Variants in NUP210L observed in about 807,000 individuals in gnomAD.
NUP210L encodes nucleoporin 210 like.
NUP210L carries 74 observed loss-of-function variants against 208.5 expected under a neutral mutation model. The ratio of observed to expected loss-of-function variants is 0.35; its 90% CI spans 0.29 to 0.43. NUP210L has a LOEUF of 0.43. Among genes scored for constraint, NUP210L ranks in the 20% least tolerant of loss-of-function variants. The pLI is 1.00. For missense variants in NUP210L, 1,843 were observed against 2,289.4 expected, an observed-to-expected ratio of 0.81 and a Z score of 3.98; for synonymous variants, 780 against 816.9, an observed-to-expected ratio of 0.95 and a Z score of 0.77.
chr1:154,012,160 G>A, intron 34 of NUP210L, 84 bp downstream of exon 34: 6 of 1,373,422 alleles, frequency 4.4e-6, no homozygotes, highest in Non-Finnish European at 6.0e-6. Context: ...AGAAAATCTG[G>A]ATTACTAATC....
At chr1:154,106,906 G>T (rs758065637) in intron 12 of NUP210L, among the ~76,000 whole-genome samples, 1 of 152,118 alleles carries the variant, frequency 6.6e-6, no homozygotes, top group African/African-American at 2.4e-5. Flanking sequence ...CAAGAAGGAT[G>T]GGTACAAACA....
chr1:154,059,202 G>A (rs1393885057), intron 20 of NUP210L, among the ~76,000 whole-genome samples: 1 of 152,178 alleles, frequency 6.6e-6, no homozygotes, highest in Admixed American at 6.5e-5. Flanking sequence ...GCTGGGCACG[G>A]TGGTCCGTGC....
At chr1:154,041,098 G>A (rs148085968) in intron 27 of NUP210L, among the ~76,000 whole-genome samples, 276 of 152,192 alleles carry the variant, frequency 1.8e-3, no homozygotes, top group Non-Finnish European at 3.2e-3. Flanking sequence ...CCAAGTAGCT[G>A]AGACTACAGG....
At chr1:153,997,397 T>G (rs2147880547) in intron 37 of NUP210L, among the ~76,000 whole-genome samples, 1 of 151,890 alleles carries the variant, frequency 6.6e-6, no homozygotes, top group African/African-American at 2.4e-5. Flanking sequence ...CACCTCAGCT[T>G]CCCAAAGTGT....
intron 27 of NUP210L, among the ~76,000 whole-genome samples, chr1:154,045,363 A>G (rs1218876581): frequency 6.6e-6 from 1 of 152,194 alleles, no homozygotes; most frequent in East Asian, 1.9e-4. Context: ...GTGTGTCTGA[A>G]CATGATAAAA....
intron 15 of NUP210L, among the ~76,000 whole-genome samples, chr1:154,090,339 G>T (rs1209160410): frequency 6.6e-6 from 1 of 152,138 alleles, no homozygotes; most frequent in African/African-American, 2.4e-5. Flanking sequence ...AGTAGAAGTA[G>T]TAATGAATAA....
chr1:154,022,472 T>C, intron 31 of NUP210L, 129 bp from the exon 32 acceptor site: 1 of 716,100 alleles, frequency 1.4e-6, no homozygotes, highest in East Asian at 2.7e-5. Context: ...CAATAAAGAG[T>C]AAGTAAGTAT....
At chr1:154,089,457 G>T in exon 16 of NUP210L, 1 of 1,614,124 alleles carries the variant, frequency 6.2e-7, no homozygotes, top group East Asian at 2.2e-5. Context: ...GACATGGCTG[G>T]GCACCAGCTG....
intron 7 of NUP210L, among the ~76,000 whole-genome samples, chr1:154,134,210 T>C (rs1658400154): frequency 6.6e-6 from 1 of 151,314 alleles, no homozygotes; most frequent in African/African-American, 2.4e-5. Flanking sequence ...CTGGACAAAA[T>C]GGCAATTTGT....
chr1:154,107,548 G>A (rs1656831946), intron 12 of NUP210L, among the ~76,000 whole-genome samples: 1 of 151,660 alleles, frequency 6.6e-6, no homozygotes, highest in Admixed American at 6.6e-5. Flanking sequence ...AAGAATCAGT[G>A]AGCTTGAGGA....
At chr1:154,092,144 C>T (rs1160773762) in intron 15 of NUP210L, among the ~76,000 whole-genome samples, 10 of 147,818 alleles carry the variant, frequency 6.8e-5, no homozygotes, top group African/African-American at 2.5e-4. Flanking sequence ...GGCATGATCT[C>T]GGCTCATTGT....
intron 16 of NUP210L, among the ~76,000 whole-genome samples, chr1:154,081,185 A>G (rs1007133851): frequency 6.6e-6 from 1 of 151,836 alleles, no homozygotes; most frequent in Non-Finnish European, 1.5e-5. Flanking sequence ...TGGCCCAGCT[A>G]TATGTTGTCT....
intron 14 of NUP210L, among the ~76,000 whole-genome samples, chr1:154,098,025 G>T (rs1412318412): frequency 3.3e-5 from 5 of 152,192 alleles, no homozygotes; most frequent in Non-Finnish European, 7.3e-5. Flanking sequence ...GGTGAGCCAG[G>T]CATGGAGTGG....
chr1:154,153,553 G>T (rs1456468502), intron 1 of NUP210L, among the ~76,000 whole-genome samples: 1 of 152,044 alleles, frequency 6.6e-6, no homozygotes, highest in African/African-American at 2.4e-5. Context: ...CAAGTGATCT[G>T]CCTGCCCCGG....
exon 30 of NUP210L, chr1:154,025,576 A>G (rs779653076): frequency 6.2e-7 from 1 of 1,612,778 alleles, no homozygotes; most frequent in South Asian, 1.1e-5. Context: ...GTTGACTCCA[A>G]AAGGTTCTAT....
At chr1:154,077,966 C>T (rs886482527) in intron 16 of NUP210L, among the ~76,000 whole-genome samples, 5 of 151,752 alleles carry the variant, frequency 3.3e-5, no homozygotes, top group Non-Finnish European at 4.4e-5. Context: ...ACCTGGGCAA[C>T]AGAGTGAGAC....
chr1:154,078,239 C>G (rs1655141825), intron 16 of NUP210L, among the ~76,000 whole-genome samples: 1 of 151,250 alleles, frequency 6.6e-6, no homozygotes, highest in Non-Finnish European at 1.5e-5. Flanking sequence ...ATCCTTTGAG[C>G]TGGGGAGGTG....
intron 12 of NUP210L, among the ~76,000 whole-genome samples, chr1:154,106,583 A>G (rs1379248408): frequency 6.6e-6 from 1 of 152,218 alleles, no homozygotes; most frequent in African/African-American, 2.4e-5. Context: ...TTTGGGTCTG[A>G]CCCAGTGCAG....
chr1:154,152,973 G>T (rs558475552), intron 1 of NUP210L, 101 bp from the exon 2 acceptor site: 3 of 985,428 alleles, frequency 3.0e-6, no homozygotes, highest in Non-Finnish European at 4.6e-6. Context: ...ATACTACCAG[G>T]TATATGTAAA....
Sources: gnomAD v4.1 joint callset for allele counts (sites outside exome capture counted in the v4.1 genomes callset) on GRCh38, gnomAD v4.1.1 for gene constraint, MANE v1.5 for transcripts, NCBI Gene and HGNC (gene_info 2026-07-23, HGNC 2026-07-21) for gene names.